Variants in NBPF6 observed in about 807,000 individuals in gnomAD.
NBPF6 encodes NBPF member 6.
Under a neutral mutation model 20.8 loss-of-function variants are expected in NBPF6, and 2 were observed. The observed-to-expected ratio is 0.10, with a 90% CI of 0.04 to 0.30. The LOEUF (loss-of-function observed/expected upper bound fraction) is 0.30. Ranked by LOEUF, NBPF6 falls within the 10% of genes least tolerant of loss-of-function variation. NBPF6 has a pLI of 1.00. For synonymous variants in NBPF6, 24 were observed against 100.0 expected (o/e 0.24, Z 4.53); for missense variants, 85 against 260.3 (o/e 0.33, Z 4.63).
At chr1:108,449,430 A>G (rs1351401999), upstream of NBPF6, among the ~76,000 whole-genome samples, 10 of 11,860 alleles carry the variant, frequency 8.4e-4, 2 homozygotes, top group African/African-American at 1.2e-3. Flanking sequence ...ATATATATAT[A>G]TATATATATA....
At chr1:108,441,520 G>GA in the NBPF6 span, among the ~76,000 whole-genome samples, 1 of 7,254 alleles carries the variant, frequency 1.4e-4, no homozygotes, top group Non-Finnish European at 2.5e-4. Context: ...AATAAAAAAA[G>GA]AAAAAAATTA....
chr1:108,437,767 GGAGGGAGGGAGGGAGGGAGA>G, the NBPF6 span, among the ~76,000 whole-genome samples: 1 of 31,802 alleles, frequency 3.1e-5, no homozygotes, highest in Admixed American at 4.0e-4. Flanking sequence ...AGGAAGGAAG[GGAGGGAGGGAGGGAGGGAGA>G]GAGGGAGGGA....
the NBPF6 span, among the ~76,000 whole-genome samples, chr1:108,437,779 G>T: frequency 2.9e-5 from 1 of 34,818 alleles, no homozygotes; most frequent in Non-Finnish European, 7.2e-5. Flanking sequence ...AGGGAGGGAG[G>T]GAGGGAGAGA....
chr1:108,471,276 T>C lies in NBPF6; in HGVS notation c.*638T>C, dbSNP rs201617767. Among the ~76,000 whole-genome samples, 3 of 152,204 alleles carry C rather than the reference T, an allele frequency of 2.0e-5. No individual in the cohort carries two copies. The East Asian group carries it at 5.8e-4, about 29-fold the overall frequency. On this transcript the variant is annotated 3_prime_UTR_variant, in exon 15 of 15. Coordinates refer to ENST00000495380, the MANE Select transcript of NBPF6 (RefSeq NM_001143988.2). ...ACTTGTTTGTGGAGGACGGGTCAGC[T>C]CTCTGGCTCAATGGTCTACATTCTG... is the stretch of plus-strand genomic sequence containing the variant.
chr1:108,449,440 A>C (rs1311531908), upstream of NBPF6, among the ~76,000 whole-genome samples: 164 of 12,996 alleles, frequency 0.013, no homozygotes, highest in African/African-American at 0.016. Context: ...ATATATATAT[A>C]TATATATATA....
chr1:108,436,561 C>A, the NBPF6 span, among the ~76,000 whole-genome samples: 3 of 67,130 alleles, frequency 4.5e-5, no homozygotes, highest in African/African-American at 1.3e-4. Flanking sequence ...CCACTTCACT[C>A]CAGCCTGAGT....
the NBPF6 span, among the ~76,000 whole-genome samples, chr1:108,426,446 T>TAAATAAATAAAC: frequency 4.5e-3 from 400 of 88,150 alleles, 1 homozygote; most frequent in East Asian, 0.021. Flanking sequence ...AATAAATAAA[T>TAAATAAATAAAC]AAACAAACAA....
chr1:108,448,080 T>C (rs1223408726), upstream of NBPF6, among the ~76,000 whole-genome samples: 7 of 143,254 alleles, frequency 4.9e-5, no homozygotes, highest in Non-Finnish European at 7.7e-5. Flanking sequence ...ATATATGTTG[T>C]ATCTGAGTTC....
rs1653468945 is a variant in NBPF6, at chr1:108,471,435, G to GA, written c.*797_*798insA. ...AAGGCCCAGTGTGTCCATCCCCAGTGCGGTGATACTAGGATGTTCACTTGG... is the reference window on the plus strand; with the variant it reads ...AAGGCCCAGTGTGTCCATCCCCAGTGACGGTGATACTAGGATGTTCACTTGG... On this transcript the variant is annotated 3_prime_UTR_variant, in exon 15 of 15. Coordinates refer to ENST00000495380, the MANE Select transcript of NBPF6 (RefSeq NM_001143988.2). Among the ~76,000 whole-genome samples the GA allele has an allele frequency of 1.3e-5, 2 of 152,148 alleles. No homozygotes were observed. The highest frequency in any genetic ancestry group is 1.3e-4 in the Admixed American group (2 of 15,278).
chr1:108,465,348 G>T lies in NBPF6; in HGVS notation c.1584G>T (p.Leu528Phe). Residue 528 changes from leucine (L) to phenylalanine (F), a missense_variant, in exon 13 of 15, where the codon TTG becomes TTT. Coordinates refer to ENST00000495380, the MANE Select transcript of NBPF6 (RefSeq NM_001143988.2). ...AAGGGTTCCACTGTGGGAACGGCTT[G>T]GCCCAGCGGGGCCTTTCCTCCACCA... Reference protein sequence around the residue: ...LDQGFHCGNGLAQRGLSSTTC... With the variant: ...LDQGFHCGNGFAQRGLSSTTC... 9.3e-7 allele frequency: 1 copy of T among 1,074,062 alleles called. No individual in the cohort carries two copies. Among genetic ancestry groups the T allele is most frequent in the Non-Finnish European group, 1.3e-6 (1 of 782,800 alleles). 66.5% of individuals were successfully genotyped at this position (1,074,062 alleles called of 1,614,324 possible).
At position 108,467,829 on chromosome 1, in the gene NBPF6, G is replaced by A. The variant is rs147846835; in HGVS notation, c.1875+164G>A. The stretch of plus-strand genomic sequence containing the variant: ...GTCCCATGGGCTCCCACCCTGACTG[G>A]CCCCTTCTCTACCCATCTTCTCTTT... On this transcript the variant is annotated intron_variant, in intron 14 of 14. Coordinates refer to ENST00000495380, the MANE Select transcript of NBPF6 (RefSeq NM_001143988.2). Among the ~76,000 whole-genome samples, 820 of 150,840 alleles carry A rather than the reference G, an allele frequency of 5.4e-3. 47 individuals are homozygous for A. Among genetic ancestry groups the A allele is most frequent in the African/African-American group, 0.019 (780 of 40,760 alleles).
intron 14 of NBPF6, 87 bp from the exon 15 acceptor site, chr1:108,470,510 C>T (rs1172442915): frequency 1.8e-6 from 2 of 1,091,170 alleles, no homozygotes; most frequent in East Asian, 5.2e-5. Context: ...AGTGAGATAT[C>T]ACTGCTTAGC....
At chr1:108,434,919 T>C in the NBPF6 span, among the ~76,000 whole-genome samples, 1 of 83,278 alleles carries the variant, frequency 1.2e-5, no homozygotes. Flanking sequence ...TCTATGTTTA[T>C]ACTGGCCCTT....
In NBPF6 at chr1:108,467,577, T is replaced by A. The variant is rs767594778; in HGVS notation, c.1787T>A (p.Leu596Gln). The change falls in exon 14 of 15, where the codon CTG becomes CAG. Residue 596 changes from leucine to glutamine, a missense_variant. Physicochemically the swap from Leu to Gln is moderately radical, Grantham distance 113 (BLOSUM62 -2). Coordinates refer to ENST00000495380, the MANE Select transcript of NBPF6 (RefSeq NM_001143988.2). ...GGCCGGATTCGTGCCTCCCTTGTCC[T>A]GATACTGAAGACCATCAGAAGAAGA... is the stretch of plus-strand genomic sequence containing the variant. ...VTGRIRASLV[L>Q]ILKTIRRRLP... is the part of the protein sequence containing the mutation. 80 of 1,549,958 alleles carry A rather than the reference T, an allele frequency of 5.2e-5. No homozygotes were observed. The highest frequency in any genetic ancestry group is 7.0e-5 in the Non-Finnish European group (80 of 1,146,024).
rs1457148430 is a variant in NBPF6 at position 108,471,316 on chromosome 1, TGTC to T, written c.*682_*684del. ...TCTACATTCTGAAGTTATCTGAAAA[TGTC>T]GTCATGATTAAATTCAGCCTAAACA... On this transcript the variant is annotated 3_prime_UTR_variant, in exon 15 of 15. Coordinates refer to ENST00000495380, the MANE Select transcript of NBPF6 (RefSeq NM_001143988.2). Among the ~76,000 whole-genome samples, 1 of 152,106 alleles carries T rather than the reference TGTC, an allele frequency of 6.6e-6. No individual in the cohort carries two copies. Among genetic ancestry groups the T allele is most frequent in the Non-Finnish European group, 1.5e-5 (1 of 68,004 alleles).
Position 108,471,633 on chromosome 1 carries a change from T to C in NBPF6, c.*995T>C, listed in dbSNP as rs1200858283. Among the ~76,000 whole-genome samples, 1 of 152,252 alleles carries C rather than the reference T, an allele frequency of 6.6e-6. No individual in the cohort carries two copies. The highest frequency in any genetic ancestry group is 6.5e-5 in the Admixed American group (1 of 15,288). On this transcript the variant is annotated 3_prime_UTR_variant, in exon 15 of 15. Transcript: ENST00000495380. The stretch of plus-strand genomic sequence containing the variant: ...CAGTTATTATATTTATGTTTTTACA[T>C]TGGAAATTGTCTTCTCAAAATTTTA...
upstream of NBPF6, among the ~76,000 whole-genome samples, chr1:108,447,945 A>G (rs1304938104): frequency 6.8e-6 from 1 of 147,432 alleles, no homozygotes; most frequent in Admixed American, 6.7e-5. Flanking sequence ...TTAATCTCAA[A>G]ACAGAAATCA....
chr1:108,448,315 G>C (rs1340521615), upstream of NBPF6, among the ~76,000 whole-genome samples: 55 of 147,180 alleles, frequency 3.7e-4, no homozygotes, highest in African/African-American at 1.3e-3. Flanking sequence ...GTTATAAAAA[G>C]GCAAAAGTCT....
intron 2 of NBPF6, among the ~76,000 whole-genome samples, chr1:108,451,473 ATCTTC>A (rs1344975347): frequency 4.3e-5 from 6 of 138,396 alleles, no homozygotes; most frequent in Non-Finnish European, 8.1e-5. Context: ...CAAGTTGCCT[ATCTTC>A]TCTGTGCCTC....
Sources: allele counts gnomAD v4.1 joint callset (sites outside exome capture counted in the v4.1 genomes callset), GRCh38; gene constraint gnomAD v4.1.1; transcripts MANE v1.5; gene names NCBI Gene and HGNC (gene_info 2026-07-23, HGNC 2026-07-21).